DNAAF5: variants seen among roughly 807,000 people sequenced by gnomAD.
DNAAF5 encodes HEAT repeat containing 2.
Under a neutral mutation model 75.8 loss-of-function variants are expected in DNAAF5, and 64 were observed. That is an observed-to-expected ratio of 0.84 (90% confidence interval 0.69 to 1.04). DNAAF5 has a LOEUF of 1.04. DNAAF5 is among the 50% of genes least tolerant of loss of function. The pLI, the probability that DNAAF5 is intolerant of heterozygous loss-of-function variation, is 0.00. For missense variants in DNAAF5, 1,269 were observed against 1,178.5 expected, an observed-to-expected ratio of 1.08 and a Z score of -1.12; for synonymous variants, 657 against 557.2, an observed-to-expected ratio of 1.18 and a Z score of -2.52.
Position 775,133 on chromosome 7 carries a change from AT to A in DNAAF5, c.2211del (p.Pro738GlnfsTer12). 6.2e-7 allele frequency: 1 copy of A among 1,614,160 alleles called. No individual in the cohort carries two copies. ...TTAAAAACCTCGGGCGGCATGACGG[AT>A]CCAGAGAAACTCATCAGGATTTATC... ...TFLKTSGGMT[D>X]PEKLIRIYPE... On this transcript the variant is annotated frameshift_variant, in exon 11 of 13. Transcript: ENST00000297440. LOFTEE classifies it high-confidence loss of function.
chr7:731,558 T>C (rs2128069789), intron 2 of DNAAF5, among the ~76,000 whole-genome samples: 1 of 152,352 alleles, frequency 6.6e-6, no homozygotes, highest in Middle Eastern at 3.4e-3. Context: ...GACATCACAT[T>C]GTTGATCTAA....
chr7:780,165 C>G, intron 12 of DNAAF5, 21 bp downstream of exon 12: 1 of 1,607,804 alleles, frequency 6.2e-7, no homozygotes, highest in South Asian at 1.1e-5. Context: ...GACGGCTTGG[C>G]CTTCGTTCCG....
At position 770,515 on chromosome 7, in the gene DNAAF5, A is replaced by G; in HGVS notation, c.1828A>G (p.Arg610Gly). Residue 610 changes from arginine (R) to glycine (G), a missense_variant, in exon 9 of 13, where the codon AGG becomes GGG. Arg to Gly is a moderately radical substitution (Grantham distance 125, BLOSUM62 -2). Transcript: ENST00000297440. Reference protein sequence around the residue: ...EALPHVVPTLRACLQPSQDPQ... With the variant: ...EALPHVVPTLGACLQPSQDPQ... The stretch of plus-strand genomic sequence containing the variant: ...CCTGCCACACGTCGTGCCCACGCTG[A>G]GGGCCTGTCTGCAGCCCTCCCAAGA... The G allele has an allele frequency of 6.2e-7, 1 of 1,613,856 alleles. No individual in the cohort carries two copies. Among genetic ancestry groups the G allele is most frequent in the Non-Finnish European group, 8.5e-7 (1 of 1,179,974 alleles).
chr7:745,437 C>CAT (rs575375508), intron 4 of DNAAF5, among the ~76,000 whole-genome samples: 52,426 of 151,886 alleles, frequency 0.35, 9,156 homozygotes, highest in South Asian at 0.46. Context: ...TACACACACA[C>CAT]ACACATATTC....
At chr7:772,141 G>A (rs1019705422) in intron 9 of DNAAF5, 1 of 152,334 alleles carries the variant, frequency 6.6e-6, no homozygotes, top group Admixed American at 6.5e-5. Context: ...CAAGAGGGCT[G>A]AGGGCTGCGT....
chr7:764,450 C>T (rs1033063118), intron 8 of DNAAF5, among the ~76,000 whole-genome samples: 1 of 152,190 alleles, frequency 6.6e-6, no homozygotes. Flanking sequence ...GGGCAAGATC[C>T]ACTGCAGAAC....
intron 12 of DNAAF5, among the ~76,000 whole-genome samples, chr7:782,593 C>T (rs550689346): frequency 2.0e-5 from 3 of 148,720 alleles, no homozygotes; most frequent in South Asian, 2.1e-4. Flanking sequence ...CCGGCGTGGC[C>T]GCGTCCCGTT....
At chr7:728,619 A>C (rs139504206) in intron 1 of DNAAF5, among the ~76,000 whole-genome samples, 3 of 152,322 alleles carry the variant, frequency 2.0e-5, no homozygotes, top group Admixed American at 6.5e-5. Flanking sequence ...TTTCTTCTTC[A>C]TCCTCAACCA....
chr7:775,899 G>A (rs1203666843), intron 11 of DNAAF5, among the ~76,000 whole-genome samples: 2 of 152,204 alleles, frequency 1.3e-5, no homozygotes, highest in Non-Finnish European at 2.9e-5. Flanking sequence ...TGTGGGTCAT[G>A]TGCAAATACT....
intron 11 of DNAAF5, 50 bp from the exon 12 acceptor site, chr7:779,903 G>A (rs769593785): frequency 3.1e-5 from 47 of 1,527,998 alleles, no homozygotes; most frequent in African/African-American, 8.2e-5. Context: ...ACGTTTAGAC[G>A]TGAAATGTCT....
intron 2 of DNAAF5, among the ~76,000 whole-genome samples, chr7:735,159 G>T (rs532493869): frequency 1.1e-4 from 17 of 151,648 alleles, no homozygotes; most frequent in African/African-American, 3.9e-4. Flanking sequence ...TCACGGTGTA[G>T]TTCATGGTGT....
At chr7:763,716 AC>A in intron 7 of DNAAF5, 89 bp from the exon 8 acceptor site, 3 of 1,415,934 alleles carry the variant, frequency 2.1e-6, no homozygotes, top group South Asian at 1.3e-5. Flanking sequence ...TGTGGTTCTT[AC>A]GCGTGAGGGG....
intron 2 of DNAAF5, 53 bp from the exon 3 acceptor site, chr7:740,765 GC>G: frequency 1.2e-6 from 2 of 1,605,154 alleles, no homozygotes; most frequent in Non-Finnish European, 8.5e-7. Context: ...CGTGGCGTCA[GC>G]CCCGGCATCC....
chr7:764,593 C>T (rs1398812808), intron 8 of DNAAF5, among the ~76,000 whole-genome samples: 1 of 152,236 alleles, frequency 6.6e-6, no homozygotes, highest in Non-Finnish European at 1.5e-5. Context: ...CCTGCAGCTC[C>T]GAGTGCCCCC....
chr7:729,764 G>T lies in DNAAF5; in HGVS notation c.697G>T (p.Ala233Ser), dbSNP rs149139347. ...VRVAAIEATGAVIHFGNGKSV... is the reference protein window; with the variant it reads ...VRVAAIEATGSVIHFGNGKSV... ...TGTGGCCGCCATTGAAGCCACAGGC[G>T]CAGTGATCCATTTTGGCAACGGGAA... The change falls in exon 2 of 13, where the codon GCA becomes TCA. Residue 233 changes from alanine to serine, a missense_variant. Coordinates refer to ENST00000297440, the MANE Select transcript of DNAAF5 (RefSeq NM_017802.4). 5 of 1,614,210 alleles carry T rather than the reference G, an allele frequency of 3.1e-6. No homozygotes were observed. The highest frequency in any genetic ancestry group is 4.2e-6 in the Non-Finnish European group (5 of 1,180,030).
rs183215567 is a variant in DNAAF5, at chr7:764,059, C to T, written c.1783+85C>T. The stretch of plus-strand genomic sequence containing the variant: ...CCCCCAGGTGCTCAGCAGGTACCAG[C>T]GCCGACCAGCTGAGCTGTGGTTCAC... On this transcript the variant is annotated intron_variant, in intron 8 of 12. Transcript: ENST00000297440. 7.2e-4 allele frequency: 1,034 copies of T among 1,431,018 alleles called. 10 individuals are homozygous for T. The African/African-American group carries it at 0.012, about 17-fold the overall frequency. The allele number at this position is 1,431,018 out of a possible 1,614,324, so 88.6% of individuals were successfully genotyped here.
At chr7:752,969 C>T (rs950471894) in intron 4 of DNAAF5, among the ~76,000 whole-genome samples, 1 of 152,216 alleles carries the variant, frequency 6.6e-6, no homozygotes, top group East Asian at 1.9e-4. Context: ...CGCTCGGCGT[C>T]GTTAGTCATC....
chr7:777,505 A>G (rs559541603), intron 11 of DNAAF5, among the ~76,000 whole-genome samples: 267 of 143,174 alleles, frequency 1.9e-3, no homozygotes, highest in African/African-American at 6.3e-3. Flanking sequence ...GGAAGTCCGG[A>G]GTGACACGGA....
intron 2 of DNAAF5, among the ~76,000 whole-genome samples, chr7:737,710 C>T (rs1013834728): frequency 6.6e-6 from 1 of 152,204 alleles, no homozygotes; most frequent in African/African-American, 2.4e-5. Flanking sequence ...AGTTTACTTT[C>T]CTTCAGCACT....
Sources: gnomAD v4.1 joint callset for allele counts (sites outside exome capture counted in the v4.1 genomes callset) on GRCh38, gnomAD v4.1.1 for gene constraint, MANE v1.5 for transcripts, NCBI Gene and HGNC (gene_info 2026-07-23, HGNC 2026-07-21) for gene names.